Variants in DCC observed in about 807,000 individuals in gnomAD.
The protein encoded by DCC is DCC netrin 1 receptor, also known as netrin receptor DCC.
A neutral mutation model predicts 172.5 loss-of-function variants in DCC; 58 were observed. The observed-to-expected ratio is 0.34, with a 90% confidence interval of 0.27 to 0.42. DCC has a LOEUF of 0.42. Among genes scored for constraint, DCC ranks in the 10% least tolerant of loss-of-function variants. The probability of loss-of-function intolerance (pLI) is 1.00; values close to 1 mark genes in which losing one functional copy is unlikely to be tolerated. For synonymous variants in DCC, 709 were observed against 644.5 expected, an observed-to-expected ratio of 1.10 and a Z score of -1.52; for missense variants, 1,740 against 1,791.0, an observed-to-expected ratio of 0.97 and a Z score of 0.51.
At chr18:52,341,072 G>A (rs1267688985) in intron 1 of DCC, among the ~76,000 whole-genome samples, 194 bp downstream of exon 1, 3 of 150,196 alleles carry the variant, frequency 2.0e-5, no homozygotes, top group Non-Finnish European at 4.4e-5. Context: ...TGGTGGGGGG[G>A]TGGTACAAGG....
Position 53,014,991 on chromosome 18 carries a change from G to T in DCC, c.986-48314G>T, listed in dbSNP as rs113744902. Among the ~76,000 whole-genome samples the T allele has an allele frequency of 8.2e-3, 1,248 of 152,232 alleles. 29 individuals carry two copies. Among genetic ancestry groups the T allele is most frequent in the African/African-American group, 0.028 (1,167 of 41,548 alleles). On this transcript the variant is annotated intron_variant, in intron 5 of 28. Transcript: ENST00000442544. ...TTCTTCCCCTACACAATTAAAATTAGAATGCAACTAAGACTCTACTAAGGG... is the reference window on the plus strand; with the variant it reads ...TTCTTCCCCTACACAATTAAAATTATAATGCAACTAAGACTCTACTAAGGG...
At chr18:53,059,671 C>A (rs2042466437) in intron 5 of DCC, among the ~76,000 whole-genome samples, 1 of 152,112 alleles carries the variant, frequency 6.6e-6, no homozygotes, top group Non-Finnish European at 1.5e-5. Context: ...CCTCATTCTT[C>A]ACTCTTTATT....
chr18:53,328,410 A>C (rs2144841345), intron 14 of DCC, among the ~76,000 whole-genome samples: 1 of 152,292 alleles, frequency 6.6e-6, no homozygotes, highest in East Asian at 1.9e-4. Context: ...TATCCATCAC[A>C]GTGGGTTTTT....
intron 12 of DCC, among the ~76,000 whole-genome samples, chr18:53,290,907 A>G (rs1568415028): frequency 1.3e-5 from 2 of 152,148 alleles, no homozygotes; most frequent in Non-Finnish European, 2.9e-5. Flanking sequence ...AATGGCTCAC[A>G]CCTGTAATCC....
At chr18:52,797,595 G>T (rs1418237198) in intron 2 of DCC, among the ~76,000 whole-genome samples, 2 of 152,336 alleles carry the variant, frequency 1.3e-5, no homozygotes, top group Non-Finnish European at 1.5e-5. Context: ...TTTGATGGGG[G>T]TGGGAACATC....
Position 53,530,084 on chromosome 18 carries a change from G to A in DCC, c.4255-480G>A, listed in dbSNP as rs528933701. 4.6e-5 allele frequency among the ~76,000 whole-genome samples: 7 copies of A among 152,242 alleles called. No individual in the cohort carries two copies. In the East Asian group the frequency reaches 1.4e-3, roughly 29 times the overall value. Reference sequence around the variant, plus strand: ...TCATGATACAGAGAAAAAATATTCTGTTCATATCTTGGTTAACCTAGTAAG... The same window carrying A: ...TCATGATACAGAGAAAAAATATTCTATTCATATCTTGGTTAACCTAGTAAG... On this transcript the variant is annotated intron_variant, in intron 28 of 28. Coordinates refer to ENST00000442544, the MANE Select transcript of DCC (RefSeq NM_005215.4).
intron 2 of DCC, among the ~76,000 whole-genome samples, chr18:52,815,799 A>G (rs1296258915): frequency 1.3e-5 from 2 of 152,240 alleles, no homozygotes; most frequent in Non-Finnish European, 2.9e-5. Flanking sequence ...GATATAGGAC[A>G]TGTTATATAA....
At chr18:53,527,162 T>A (rs1380243541) in intron 28 of DCC, among the ~76,000 whole-genome samples, 1 of 146,806 alleles carries the variant, frequency 6.8e-6, no homozygotes, top group Non-Finnish European at 1.5e-5. Context: ...AGAAATACCT[T>A]GGCATTCTTG....
chr18:53,097,632 C>T (rs916324881), intron 7 of DCC, among the ~76,000 whole-genome samples: 2 of 152,024 alleles, frequency 1.3e-5, no homozygotes, highest in South Asian at 2.1e-4. Context: ...GGGCTTCCAT[C>T]GAAAATAGCA....
chr18:53,038,574 C>G (rs906025500), intron 5 of DCC, among the ~76,000 whole-genome samples: 12 of 152,032 alleles, frequency 7.9e-5, no homozygotes. Flanking sequence ...TCCTCAAAAT[C>G]ATCTCCTTTA....
At chr18:52,813,496 CATGGT>C (rs1334854935) in intron 2 of DCC, among the ~76,000 whole-genome samples, 2 of 152,108 alleles carry the variant, frequency 1.3e-5, no homozygotes, top group Non-Finnish European at 2.9e-5. Context: ...CACAGTATCA[CATGGT>C]ATGGATTAAG....
intron 12 of DCC, among the ~76,000 whole-genome samples, chr18:53,260,364 C>T (rs1053905444): frequency 7.2e-5 from 11 of 151,974 alleles, no homozygotes; most frequent in South Asian, 2.1e-4. Context: ...ATGATGGTGA[C>T]GTACAGATGG....
chr18:52,388,376 A>G (rs1438065848), intron 1 of DCC, among the ~76,000 whole-genome samples: 1 of 151,630 alleles, frequency 6.6e-6, no homozygotes, highest in East Asian at 1.9e-4. Flanking sequence ...GGCTGTTGAC[A>G]CACAGCTCTC....
chr18:53,479,146 CGG>C (rs1568158694), intron 25 of DCC, among the ~76,000 whole-genome samples: 2 of 152,088 alleles, frequency 1.3e-5, no homozygotes, highest in Non-Finnish European at 2.9e-5. Context: ...ACTGTAGGAA[CGG>C]TGGTGAGAAA....
chr18:53,274,661 T>TC (rs1185867292), intron 12 of DCC, among the ~76,000 whole-genome samples: 1 of 152,106 alleles, frequency 6.6e-6, no homozygotes, highest in Non-Finnish European at 1.5e-5. Context: ...CGTTTGAAAA[T>TC]CCCAGTTGAA....
chr18:53,499,282 C>G lies in DCC; in HGVS notation c.3899-16C>G. On this transcript the variant is annotated splice_polypyrimidine_tract_variant and intron_variant, in intron 26 of 28. Coordinates refer to ENST00000442544, the MANE Select transcript of DCC (RefSeq NM_005215.4). ...TGTCCAGGAATAATGAATGACTTTT[C>G]TTGTCTCCACTGCAGCAGTGAGTGA... 1 of 1,613,332 alleles carries G rather than the reference C, an allele frequency of 6.2e-7. No individual in the cohort carries two copies. The highest frequency in any genetic ancestry group is 8.5e-7 in the Non-Finnish European group (1 of 1,179,692).
intron 5 of DCC, among the ~76,000 whole-genome samples, chr18:53,010,476 A>G (rs2041711751): frequency 6.6e-6 from 1 of 151,748 alleles, no homozygotes; most frequent in East Asian, 1.9e-4. Context: ...ATTAAATAGA[A>G]TTACTCTAAA....
intron 24 of DCC, among the ~76,000 whole-genome samples, chr18:53,464,294 G>T (rs1227577816): frequency 6.6e-6 from 1 of 152,176 alleles, no homozygotes; most frequent in Non-Finnish European, 1.5e-5. Flanking sequence ...GTAAATTTCA[G>T]CATGTGGCAT....
rs2055591147 is a variant in DCC at position 53,204,310 on chromosome 18, G to A, written c.1574-906G>A. On this transcript the variant is annotated intron_variant, in intron 9 of 28. Transcript: ENST00000442544. ...TAATCCCAGCACTTCGGGATGCCAAGGCAGGAGGATCGCTTGCCAGGAGTT... is the reference window on the plus strand; with the variant it reads ...TAATCCCAGCACTTCGGGATGCCAAAGCAGGAGGATCGCTTGCCAGGAGTT... 2.0e-5 allele frequency among the ~76,000 whole-genome samples: 3 copies of A among 152,148 alleles called. 1 individual carries two copies. Among genetic ancestry groups the A allele is most frequent in the African/African-American group, 2.4e-5 (1 of 41,430 alleles).
Sources: allele counts gnomAD v4.1 joint callset (sites outside exome capture counted in the v4.1 genomes callset), GRCh38; gene constraint gnomAD v4.1.1; transcripts MANE v1.5; gene names NCBI Gene and HGNC (gene_info 2026-07-23, HGNC 2026-07-21).